Variants in LAMB4 observed in about 807,000 individuals in gnomAD.
The protein encoded by LAMB4 is laminin subunit beta 4.
Under a neutral mutation model 199.2 loss-of-function variants are expected in LAMB4, and 196 were observed. That is an observed-to-expected ratio of 0.98 (90% CI 0.88 to 1.11). The LOEUF is 1.11. Among genes scored for constraint, LAMB4 ranks in the 50% least tolerant of loss-of-function variants. LAMB4 has a pLI of 0.00. For synonymous variants in LAMB4, 744 were observed against 770.6 expected (o/e 0.97, Z 0.57); for missense variants, 2,080 against 2,171.2 (o/e 0.96, Z 0.83).
Position 108,043,899 on chromosome 7 carries a change from G to A in LAMB4, c.4327-3C>T, listed in dbSNP as rs1021350962. The stretch of plus-strand genomic sequence containing the variant: ...GCCTGTTCACTTATACTTTCGATCT[G>A]GAATGAGAAAAACACAATGAAGAAT... On this transcript the variant is annotated splice_region_variant and splice_polypyrimidine_tract_variant and intron_variant, in intron 28 of 33. Transcript: ENST00000388781. 2 of 1,592,696 alleles carry A rather than the reference G, an allele frequency of 1.3e-6. No individual in the cohort carries two copies. Among genetic ancestry groups the A allele is most frequent in the African/African-American group, 2.7e-5 (2 of 73,222 alleles).
chr7:108,033,787 A>C (rs1011623520), intron 31 of LAMB4, among the ~76,000 whole-genome samples: 1 of 135,002 alleles, frequency 7.4e-6, no homozygotes, highest in Non-Finnish European at 1.6e-5. Flanking sequence ...ATGAGATTTC[A>C]TGCACATTTA....
At chr7:108,110,238 A>T (rs551803249) in intron 4 of LAMB4, among the ~76,000 whole-genome samples, 20 of 152,304 alleles carry the variant, frequency 1.3e-4, no homozygotes, top group Middle Eastern at 3.4e-3. Flanking sequence ...CATGTTGGCC[A>T]GGCTGGTCTC....
chr7:108,043,729 C>T (rs1405380905), intron 29 of LAMB4, 23 bp downstream of exon 29: 4 of 1,476,978 alleles, frequency 2.7e-6, no homozygotes, highest in African/African-American at 1.4e-5. Flanking sequence ...AAAAACTAGT[C>T]CTAATATATA....
intron 14 of LAMB4, among the ~76,000 whole-genome samples, chr7:108,088,051 A>G (rs1006936542): frequency 3.9e-5 from 6 of 152,206 alleles, no homozygotes; most frequent in African/African-American, 1.4e-4. Flanking sequence ...GCTCATCAGC[A>G]TGTAAGCTTT....
At chr7:108,113,126 C>A (rs2038288890) in intron 3 of LAMB4, among the ~76,000 whole-genome samples, 2 of 152,168 alleles carry the variant, frequency 1.3e-5, no homozygotes. Flanking sequence ...CCCTGACTAC[C>A]CTATTAAAAT....
intron 24 of LAMB4, among the ~76,000 whole-genome samples, chr7:108,057,368 G>A (rs143102035): frequency 5.2e-4 from 79 of 152,288 alleles, no homozygotes; most frequent in African/African-American, 1.8e-3. Context: ...CTGAATAAGT[G>A]GGGCCCAGAG....
chr7:108,082,921 G>A (rs985135292), intron 14 of LAMB4, among the ~76,000 whole-genome samples: 13 of 152,154 alleles, frequency 8.5e-5, no homozygotes, highest in Non-Finnish European at 7.3e-5. Context: ...ACTGGCAGAC[G>A]GAAGTCAATT....
chr7:108,017,253 A>T, the LAMB4 span, among the ~76,000 whole-genome samples: 2 of 152,192 alleles, frequency 1.3e-5, no homozygotes, highest in Non-Finnish European at 2.9e-5. Flanking sequence ...TAATGAGTAA[A>T]GATAAAGATT....
At position 108,049,532 on chromosome 7, in the gene LAMB4, C is replaced by A; in HGVS notation, c.3917-1G>T. 6.4e-7 allele frequency: 1 copy of A among 1,569,630 alleles called. No individual in the cohort carries two copies. Among genetic ancestry groups the A allele is most frequent in the South Asian group, 1.2e-5 (1 of 85,914 alleles). On this transcript the variant is annotated splice_acceptor_variant, in intron 26 of 33. Coordinates refer to ENST00000388781, the MANE Select transcript of LAMB4 (RefSeq NM_007356.3). LOFTEE classifies it high-confidence loss of function. ...TATTTCTTGATGTTTTCTGAGGAGT[C>A]TACGTCAATGCAAATTGAAGTAAGG...
In LAMB4 at chr7:108,076,975, G is replaced by T. The variant is rs905347522; in HGVS notation, c.2093C>A (p.Ser698Tyr). The T allele has an allele frequency of 1.2e-6, 2 of 1,613,948 alleles. No individual in the cohort carries two copies. Among genetic ancestry groups the T allele is most frequent in the African/African-American group, 2.7e-5 (2 of 74,926 alleles). ...CACCAGGACATGTGAATGAGCGTGG[G>T]ACTCTCCTTGCAAAGGCTGAGAAAA... The part of the protein sequence containing the change: ...VYFSQPLQGE[S>Y]HAHSHVLVDS... The change falls in exon 17 of 34, where the codon TCC becomes TAC. Residue 698 changes from serine to tyrosine, a missense_variant. Coordinates refer to ENST00000388781, the MANE Select transcript of LAMB4 (RefSeq NM_007356.3).
chr7:108,043,949 C>T lies in LAMB4; in HGVS notation c.4327-53G>A, dbSNP rs570974321. 63 of 1,485,852 alleles carry T rather than the reference C, an allele frequency of 4.2e-5. 2 individuals carry two copies. In the South Asian group the frequency reaches 7.6e-4, roughly 18 times the overall value. The allele number at this position is 1,485,852 out of a possible 1,614,324, so 92.0% of individuals were successfully genotyped here. Reference sequence around the variant, plus strand: ...TACTCGACAATATACTCAACAAAGTCATGTTCTTTGATGTTTAATTACTTA... The same window carrying T: ...TACTCGACAATATACTCAACAAAGTTATGTTCTTTGATGTTTAATTACTTA... On this transcript the variant is annotated intron_variant, in intron 28 of 33. Coordinates refer to ENST00000388781, the MANE Select transcript of LAMB4 (RefSeq NM_007356.3).
chr7:108,022,615 G>A (rs539572748), downstream of LAMB4, among the ~76,000 whole-genome samples: 5 of 152,130 alleles, frequency 3.3e-5, no homozygotes, highest in African/African-American at 1.2e-4. Context: ...TCTCAAGGCT[G>A]GATATGTGAA....
At chr7:108,094,870 G>T (rs1160393927) in intron 12 of LAMB4, among the ~76,000 whole-genome samples, 1 of 152,134 alleles carries the variant, frequency 6.6e-6, no homozygotes, top group Non-Finnish European at 1.5e-5. Context: ...TAAGGGGATT[G>T]TGTACAAGGG....
chr7:108,024,131 CT>C lies in LAMB4; in HGVS notation c.5193del (p.Ala1732LeufsTer4). 6.3e-7 allele frequency: 1 copy of C among 1,596,770 alleles called. No homozygotes were observed. The highest frequency in any genetic ancestry group is 1.7e-4 in the Middle Eastern group (1 of 6,004). ...IQDLNLSRQAKADQLRILEDQ... is the reference protein window; with the variant it reads ...IQDLNLSRQAXADQLRILEDQ... ...TCTTCCAATATTCTCAGTTGATCAGCTTTTGCTTGTCTACTTAGATTCAAAT... is the reference window on the plus strand; with the variant it reads ...TCTTCCAATATTCTCAGTTGATCAGCTTTGCTTGTCTACTTAGATTCAAAT... On this transcript the variant is annotated frameshift_variant, in exon 34 of 34. Coordinates refer to ENST00000388781, the MANE Select transcript of LAMB4 (RefSeq NM_007356.3). LOFTEE classifies it high-confidence loss of function.
At chr7:108,107,951 T>G in intron 5 of LAMB4, 132 bp from the exon 6 acceptor site, 1 of 716,212 alleles carries the variant, frequency 1.4e-6, no homozygotes, top group Non-Finnish European at 2.2e-6. Flanking sequence ...TTGTTTTGTT[T>G]TGTTTTTGAG....
rs1226748741 is a variant in LAMB4, at chr7:108,116,134, T to A, written c.62A>T (p.Asp21Val). Residue 21 changes from aspartate (D) to valine (V), a missense_variant, in exon 3 of 34, where the codon GAT becomes GTT. Transcript: ENST00000388781. ...ATGACAGGCACCCCTGTTGCAGTCA[T>A]CTTGAGCTTTTGAGTAACTGAGCCA... ...LGWLSYSKAQ[D>V]DCNRGACHPT... 1 of 1,613,954 alleles carries A rather than the reference T, an allele frequency of 6.2e-7. No individual in the cohort carries two copies. The highest frequency in any genetic ancestry group is 1.1e-5 in the South Asian group (1 of 91,056).
Position 108,115,973 on chromosome 7 carries a change from G to T in LAMB4, c.192+31C>A, listed in dbSNP as rs759513711. On this transcript the variant is annotated intron_variant, in intron 3 of 33. Coordinates refer to ENST00000388781, the MANE Select transcript of LAMB4 (RefSeq NM_007356.3). Reference sequence around the variant, plus strand: ...AAATCTACATCATTGATTAAATAATGTCCCAGCAAATAAACAAAGAGCCAA... The same window carrying T: ...AAATCTACATCATTGATTAAATAATTTCCCAGCAAATAAACAAAGAGCCAA... 5 of 1,599,214 alleles carry T rather than the reference G, an allele frequency of 3.1e-6. No individual in the cohort carries two copies. In the South Asian group the frequency reaches 5.6e-5, roughly 18 times the overall value.
intron 30 of LAMB4, among the ~76,000 whole-genome samples, chr7:108,035,054 A>C (rs994865209): frequency 1.3e-5 from 2 of 151,922 alleles, no homozygotes; most frequent in African/African-American, 4.8e-5. Context: ...TATTCCCTTT[A>C]CCACCCAGCC....
chr7:108,029,051 C>A lies in LAMB4; in HGVS notation c.5138G>T (p.Arg1713Ile), dbSNP rs748263644. ...LAGDTEAKIR[R>I]ITDLERKIQD... ...GATAAAAGAACAGATACCTGTTATT[C>A]TTCTTATCTTGGCCTCTGTATCTCC... Residue 1713 changes from arginine to isoleucine, a missense_variant, in exon 33 of 34, where the codon AGA becomes ATA. Transcript: ENST00000388781. 8 of 1,612,892 alleles carry A rather than the reference C, an allele frequency of 5.0e-6. No homozygotes were observed. The African/African-American group carries it at 6.7e-5, about 13-fold the overall frequency.
Sources: gnomAD v4.1 joint callset for allele counts (sites outside exome capture counted in the v4.1 genomes callset) on GRCh38, gnomAD v4.1.1 for gene constraint, MANE v1.5 for transcripts, NCBI Gene and HGNC (gene_info 2026-07-23, HGNC 2026-07-21) for gene names.